The following PRKCH variants were observed in gnomAD, a reference collection of about 807,000 sequenced individuals.
PRKCH encodes protein kinase C eta, also known as protein kinase C eta type.
A neutral mutation model predicts 82.5 loss-of-function variants in PRKCH; 28 were observed. The observed-to-expected ratio is 0.34, with a 90% CI of 0.25 to 0.47. The LOEUF (loss-of-function observed/expected upper bound fraction) is 0.47, where lower values mean the gene tolerates loss of function less well. PRKCH is among the 20% of genes least tolerant of loss of function. The probability of loss-of-function intolerance (pLI) is 1.00; values close to 1 mark genes in which losing one functional copy is unlikely to be tolerated. For synonymous variants in PRKCH, 322 were observed against 327.4 expected, an observed-to-expected ratio of 0.98 and a Z score of 0.18; for missense variants, 705 against 881.8, an observed-to-expected ratio of 0.80 and a Z score of 2.54.
At chr14:61,332,304 A>G (rs1293860142) in intron 1 of PRKCH, among the ~76,000 whole-genome samples, 1 of 152,196 alleles carries the variant, frequency 6.6e-6, no homozygotes, top group African/African-American at 2.4e-5. Context: ...GAGACAGGAA[A>G]TTTTTGTTGA....
chr14:61,502,872 G>T (rs747640657), intron 10 of PRKCH, among the ~76,000 whole-genome samples: 1 of 152,064 alleles, frequency 6.6e-6, no homozygotes, highest in African/African-American at 2.4e-5. Context: ...AAATGGGGCC[G>T]AGCAGCAGAG....
rs527363920 is a variant in PRKCH at position 61,220,844 on chromosome 14, A to G, written c.-19+33176A>G. On this transcript the variant is annotated intron_variant, in intron 1 of 3. Coordinates refer to the PRKCH transcript ENST00000555185. Reference sequence around the variant, plus strand: ...GGAAGAAAATGAAACAGGCAAAGATACAGAATTTAAAGTTTAATTTTTATT... The same window carrying G: ...GGAAGAAAATGAAACAGGCAAAGATGCAGAATTTAAAGTTTAATTTTTATT... 5.9e-5 allele frequency among the ~76,000 whole-genome samples: 9 copies of G among 152,326 alleles called. No individual in the cohort carries two copies. In the East Asian group the frequency reaches 1.7e-3, roughly 29 times the overall value.
At chr14:61,335,336 T>C (rs1646582006) in intron 1 of PRKCH, among the ~76,000 whole-genome samples, 1 of 152,178 alleles carries the variant, frequency 6.6e-6, no homozygotes, top group Non-Finnish European at 1.5e-5. Flanking sequence ...CTCTGAAGTT[T>C]ATTCCGTATT....
intron 1 of PRKCH, among the ~76,000 whole-genome samples, chr14:61,263,850 TGTGTGTG>T (rs2045071947): frequency 9.5e-4 from 3 of 3,172 alleles, no homozygotes; most frequent in African/African-American, 1.3e-3. Flanking sequence ...CAGAGTATTG[TGTGTGTG>T]TGTGTGTGTG....
intron 10 of PRKCH, among the ~76,000 whole-genome samples, chr14:61,515,379 T>C (rs2042808483): frequency 6.6e-6 from 1 of 152,204 alleles, no homozygotes; most frequent in Admixed American, 6.5e-5. Flanking sequence ...CAACTTATTC[T>C]ACCTAGCAGA....
chr14:61,513,218 A>C (rs1171445580), intron 10 of PRKCH, among the ~76,000 whole-genome samples: 1 of 152,200 alleles, frequency 6.6e-6, no homozygotes, highest in Admixed American at 6.5e-5. Context: ...AATAAAGGGA[A>C]TGCAACCAAA....
intron 10 of PRKCH, among the ~76,000 whole-genome samples, chr14:61,519,533 A>G (rs778622030): frequency 3.3e-5 from 5 of 152,162 alleles, no homozygotes; most frequent in Non-Finnish European, 7.3e-5. Flanking sequence ...GAGCCTTGGC[A>G]ACACTTTCTG....
At chr14:61,203,719 T>A (rs1307941510) in intron 1 of PRKCH, among the ~76,000 whole-genome samples, 1 of 152,026 alleles carries the variant, frequency 6.6e-6, no homozygotes, top group African/African-American at 2.4e-5. Flanking sequence ...CTCACATACG[T>A]AATCCCAGCA....
intron 2 of PRKCH, among the ~76,000 whole-genome samples, chr14:61,427,169 AT>A (rs1334485038): frequency 6.6e-6 from 1 of 152,100 alleles, no homozygotes. Context: ...GGGGAGTTGT[AT>A]GGGGGAGGGT....
chr14:61,313,513 A>G (rs988367205), intron 1 of PRKCH, among the ~76,000 whole-genome samples: 1 of 152,088 alleles, frequency 6.6e-6, no homozygotes, highest in South Asian at 2.1e-4. Flanking sequence ...GCTGGAATAC[A>G]GTAGTGTAAT....
intron 2 of PRKCH, among the ~76,000 whole-genome samples, chr14:61,428,038 T>TAG (rs767974892): frequency 2.3e-4 from 7 of 29,952 alleles, no homozygotes; most frequent in Admixed American, 1.4e-3. Context: ...CACAAATATA[T>TAG]ATATATAGAT....
intron 2 of PRKCH, among the ~76,000 whole-genome samples, chr14:61,405,908 T>A (rs1426010184): frequency 6.7e-6 from 1 of 149,972 alleles, no homozygotes; most frequent in Admixed American, 6.6e-5. Context: ...GTCCTAAGAT[T>A]TGGGATTTAC....
chr14:61,465,760 T>A (rs1280054436), intron 9 of PRKCH, among the ~76,000 whole-genome samples: 1 of 152,168 alleles, frequency 6.6e-6, no homozygotes, highest in Non-Finnish European at 1.5e-5. Flanking sequence ...GCAATGGGGG[T>A]ACACTTCAAT....
intron 2 of PRKCH, among the ~76,000 whole-genome samples, chr14:61,428,491 G>A (rs1043757093): frequency 6.6e-6 from 1 of 152,054 alleles, no homozygotes; most frequent in Non-Finnish European, 1.5e-5. Context: ...TCAGTCAGTA[G>A]GGGGAGCTTA....
intron 1 of PRKCH, among the ~76,000 whole-genome samples, chr14:61,274,931 A>G (rs1161762887): frequency 6.6e-6 from 1 of 152,254 alleles, no homozygotes; most frequent in Non-Finnish European, 1.5e-5. Context: ...GTAAAACTTA[A>G]GACCACAATT....
intron 1 of PRKCH, among the ~76,000 whole-genome samples, chr14:61,356,477 C>A (rs748033542): frequency 6.6e-6 from 1 of 151,992 alleles, no homozygotes; most frequent in African/African-American, 2.4e-5. Flanking sequence ...GCCAACAGAC[C>A]GACATATTTT....
At chr14:61,469,549 C>A (rs971400120) in intron 9 of PRKCH, among the ~76,000 whole-genome samples, 2 of 152,174 alleles carry the variant, frequency 1.3e-5, no homozygotes, top group African/African-American at 4.8e-5. Context: ...CCAGGTAGGA[C>A]CTGAAGCGGC....
At chr14:61,332,943 G>A (rs1175105190) in intron 1 of PRKCH, among the ~76,000 whole-genome samples, 1 of 152,146 alleles carries the variant, frequency 6.6e-6, no homozygotes, top group Non-Finnish European at 1.5e-5. Context: ...GAGTTTTGTG[G>A]TTCTGGTAAT....
chr14:61,427,580 T>A (rs1883174878), intron 2 of PRKCH, among the ~76,000 whole-genome samples: 1 of 152,006 alleles, frequency 6.6e-6, no homozygotes. Flanking sequence ...ATTTTCTTCT[T>A]TGGTTGTTTT....
Sources: gnomAD v4.1 joint callset for allele counts (sites outside exome capture counted in the v4.1 genomes callset) on GRCh38, gnomAD v4.1.1 for gene constraint, MANE v1.5 for transcripts, NCBI Gene and HGNC (gene_info 2026-07-23, HGNC 2026-07-21) for gene names.